Variants in MICAL2 observed in about 807,000 individuals in gnomAD.
MICAL2 encodes the protein [F-actin]-monooxygenase MICAL2.
Under a neutral mutation model 127.3 loss-of-function variants are expected in MICAL2, and 77 were observed. That is an observed-to-expected ratio of 0.60 (90% CI 0.50 to 0.73). MICAL2 has a LOEUF of 0.73. Ranked by LOEUF, MICAL2 falls within the 30% of genes least tolerant of loss-of-function variation. The pLI, the probability that MICAL2 is intolerant of heterozygous loss-of-function variation, is 0.00. For missense variants in MICAL2, 1,351 were observed against 1,434.4 expected, an observed-to-expected ratio of 0.94 and a Z score of 0.94; for synonymous variants, 570 against 551.1, an observed-to-expected ratio of 1.03 and a Z score of -0.48.
chr11:12,120,861 T>C (rs1287484639), intron 1 of MICAL2, among the ~76,000 whole-genome samples: 1 of 152,156 alleles, frequency 6.6e-6, no homozygotes, highest in Admixed American at 6.5e-5. Context: ...AGAGTCATCC[T>C]TCAGGGCACT....
chr11:12,304,688 ACAC>A (rs1565300026), intron 29 of MICAL2, among the ~76,000 whole-genome samples: 49 of 148,456 alleles, frequency 3.3e-4, no homozygotes, highest in Non-Finnish European at 2.7e-4. Flanking sequence ...ACACACACAC[ACAC>A]ACAAAACATT....
At chr11:12,312,435 ACT>A (rs1864184877) in intron 29 of MICAL2, among the ~76,000 whole-genome samples, 1 of 151,804 alleles carries the variant, frequency 6.6e-6, no homozygotes, top group Non-Finnish European at 1.5e-5. Flanking sequence ...GTTATGACAC[ACT>A]TTTATCATCA....
intron 12 of MICAL2, 81 bp downstream of exon 12, chr11:12,223,582 A>C (rs916623731): frequency 7.8e-7 from 1 of 1,277,412 alleles, no homozygotes; most frequent in Non-Finnish European, 1.1e-6. Flanking sequence ...CCGTGGTGAC[A>C]CAGGCACTGC....
At chr11:12,210,427 C>T (rs1225121702) in intron 6 of MICAL2, among the ~76,000 whole-genome samples, 1 of 152,172 alleles carries the variant, frequency 6.6e-6, no homozygotes, top group Non-Finnish European at 1.5e-5. Context: ...TGAGAGGATA[C>T]GTCACTCTGA....
chr11:12,345,443 T>C (rs543646332), intron 32 of MICAL2, among the ~76,000 whole-genome samples: 1 of 152,354 alleles, frequency 6.6e-6, no homozygotes, highest in East Asian at 1.9e-4. Context: ...ATGTGCCAGA[T>C]GGCTGTCTTC....
intron 3 of MICAL2, among the ~76,000 whole-genome samples, chr11:12,181,142 C>T (rs1367551255): frequency 1.3e-5 from 2 of 152,062 alleles, no homozygotes; most frequent in African/African-American, 2.4e-5. Flanking sequence ...CAGGGTTTTG[C>T]TATGTTGGCC....
intron 1 of MICAL2, among the ~76,000 whole-genome samples, chr11:12,117,531 A>G (rs1850138288): frequency 6.6e-6 from 1 of 152,228 alleles, no homozygotes; most frequent in African/African-American, 2.4e-5. Context: ...GGATCTCAGT[A>G]TATAGTGTGT....
chr11:12,337,377 A>G (rs1223808194), intron 32 of MICAL2, among the ~76,000 whole-genome samples: 1 of 151,634 alleles, frequency 6.6e-6, no homozygotes, highest in Admixed American at 6.6e-5. Flanking sequence ...GCGGTCTATC[A>G]ATTTTGTTGA....
chr11:12,259,343 C>A (rs1158857360), intron 25 of MICAL2, among the ~76,000 whole-genome samples: 1 of 152,118 alleles, frequency 6.6e-6, no homozygotes, highest in Admixed American at 6.5e-5. Flanking sequence ...AATAGTTTCC[C>A]ATGACATTAA....
upstream of MICAL2, among the ~76,000 whole-genome samples, chr11:12,272,980 A>C (rs1353819211): frequency 6.6e-6 from 1 of 152,072 alleles, no homozygotes; most frequent in South Asian, 2.1e-4. Context: ...CACCCCACCA[A>C]CTCCAGCAGG....
chr11:12,280,963 C>A, exon 2 of MICAL2: 1 of 399,078 alleles, frequency 2.5e-6, no homozygotes, highest in East Asian at 3.6e-5. Flanking sequence ...ATGGTGGCAG[C>A]GAGGGCTCCC....
At chr11:12,170,955 G>A (rs1276935768) in intron 3 of MICAL2, among the ~76,000 whole-genome samples, 2 of 152,216 alleles carry the variant, frequency 1.3e-5, no homozygotes, top group African/African-American at 4.8e-5. Context: ...GTGGCTCAAA[G>A]GGCTTCTTTC....
At chr11:12,208,476 CTG>C (rs1050527467) in intron 5 of MICAL2, 7 of 242,432 alleles carry the variant, frequency 2.9e-5, no homozygotes, top group Non-Finnish European at 5.7e-5. Flanking sequence ...GTTCTTCAAG[CTG>C]TGTGTGTGTT....
chr11:12,185,508 C>T (rs115250540), intron 3 of MICAL2, among the ~76,000 whole-genome samples: 96 of 152,236 alleles, frequency 6.3e-4, no homozygotes, highest in African/African-American at 2.1e-3. Context: ...ATCTCAAAGC[C>T]GTCACTTGCT....
chr11:12,196,228 C>G (rs1859902985), intron 3 of MICAL2: 1 of 153,124 alleles, frequency 6.5e-6, no homozygotes, highest in Non-Finnish European at 1.5e-5. Flanking sequence ...AAGACTGATT[C>G]CAGATTTTTG....
downstream of MICAL2, among the ~76,000 whole-genome samples, chr11:12,265,522 AT>A (rs1015584311): frequency 1.4e-4 from 21 of 152,244 alleles, no homozygotes; most frequent in African/African-American, 5.1e-4. Flanking sequence ...TTAAAACTTA[AT>A]GTAGAGTAAT....
At chr11:12,340,533 A>G (rs1938846267) in intron 32 of MICAL2, among the ~76,000 whole-genome samples, 1 of 152,216 alleles carries the variant, frequency 6.6e-6, no homozygotes, top group Non-Finnish European at 1.5e-5. Context: ...TTCATTCCTA[A>G]TATATACTCC....
intron 32 of MICAL2, among the ~76,000 whole-genome samples, chr11:12,329,014 G>T (rs1322528726): frequency 1.3e-5 from 2 of 152,168 alleles, no homozygotes; most frequent in Non-Finnish European, 2.9e-5. Context: ...TACCTCTTCT[G>T]TGCTTCAGTT....
chr11:12,303,021 G>A (rs1864066267), intron 29 of MICAL2, among the ~76,000 whole-genome samples: 1 of 152,132 alleles, frequency 6.6e-6, no homozygotes, highest in Admixed American at 6.6e-5. Context: ...AGGGCAGCAG[G>A]ACAGAGTGAG....
Sources: gnomAD v4.1 joint callset for allele counts (sites outside exome capture counted in the v4.1 genomes callset) on GRCh38, gnomAD v4.1.1 for gene constraint, MANE v1.5 for transcripts, NCBI Gene and HGNC (gene_info 2026-07-23, HGNC 2026-07-21) for gene names.